GREB1L: variants seen among roughly 807,000 people sequenced by gnomAD.
GREB1L encodes the protein GREB1-like protein.
A neutral mutation model predicts 200.8 loss-of-function variants in GREB1L; 17 were observed. The observed-to-expected ratio is 0.08, with a 90% confidence interval of 0.06 to 0.13. GREB1L has a LOEUF of 0.13. Among genes scored for constraint, GREB1L ranks in the 10% least tolerant of loss-of-function variants. GREB1L has a pLI of 1.00. For missense variants in GREB1L, 1,657 were observed against 2,367.7 expected (o/e 0.70, Z 6.23); for synonymous variants, 789 against 893.0 (o/e 0.88, Z 2.08).
At chr18:21,438,078 C>G (rs191969625) in intron 7 of GREB1L, among the ~76,000 whole-genome samples, 192 of 151,910 alleles carry the variant, frequency 1.3e-3, no homozygotes, top group Admixed American at 2.6e-3. Context: ...CCCAGGAGTC[C>G]AAGACCAGCC....
chr18:21,268,400 G>C (rs931354259), intron 1 of GREB1L, among the ~76,000 whole-genome samples: 2 of 150,402 alleles, frequency 1.3e-5, no homozygotes, highest in Admixed American at 1.3e-4. Flanking sequence ...GGGAATCATA[G>C]TTCTTCTTGC....
At chr18:21,478,124 G>A (rs1216988351) in intron 17 of GREB1L, among the ~76,000 whole-genome samples, 1 of 151,984 alleles carries the variant, frequency 6.6e-6, no homozygotes, top group Non-Finnish European at 1.5e-5. Context: ...TTACTCTCTT[G>A]CTCCTCCAGC....
chr18:21,441,135 A>G (rs1377629190), intron 9 of GREB1L, among the ~76,000 whole-genome samples: 1 of 152,206 alleles, frequency 6.6e-6, no homozygotes, highest in Non-Finnish European at 1.5e-5. Context: ...ACAGGATCCA[A>G]AATATTGCAT....
Position 21,381,931 on chromosome 18 carries a change from G to A in GREB1L, c.-9-1579G>A, listed in dbSNP as rs368136434. 4.6e-5 allele frequency among the ~76,000 whole-genome samples: 7 copies of A among 152,304 alleles called. No homozygotes were observed. The South Asian group carries it at 1.0e-3, about 23-fold the overall frequency. The stretch of plus-strand genomic sequence containing the variant: ...CGAGAGTAAAAGTCAACACATTCAG[G>A]GTGATGGAGCAGAATGACAGGAAGA... On this transcript the variant is annotated intron_variant, in intron 2 of 32. Coordinates refer to ENST00000424526, the MANE Select transcript of GREB1L (RefSeq NM_001142966.3).
intron 4 of GREB1L, among the ~76,000 whole-genome samples, chr18:21,388,651 TCTC>T (rs2040651821): frequency 6.7e-6 from 1 of 149,688 alleles, no homozygotes. Flanking sequence ...TTCACACCAT[TCTC>T]CTGCCTCAGC....
At chr18:21,490,375 C>T (rs1263014618) in intron 19 of GREB1L, 24 bp downstream of exon 19, 48 of 1,526,650 alleles carry the variant, frequency 3.1e-5, no homozygotes, top group Non-Finnish European at 4.0e-5. Flanking sequence ...AGACATTTCT[C>T]CTTTAAAATA....
intron 2 of GREB1L, among the ~76,000 whole-genome samples, chr18:21,382,410 C>T (rs2040355971): frequency 6.6e-6 from 1 of 152,144 alleles, no homozygotes. Flanking sequence ...CTTGGCCCCA[C>T]CTCCACCCCC....
intron 15 of GREB1L, among the ~76,000 whole-genome samples, chr18:21,458,398 G>A (rs2034878146): frequency 6.6e-6 from 1 of 152,186 alleles, no homozygotes; most frequent in African/African-American, 2.4e-5. Flanking sequence ...GGCAGAAGGA[G>A]AAACAGTGTC....
At chr18:21,499,569 C>T (rs1157544723) in intron 21 of GREB1L, among the ~76,000 whole-genome samples, 160 bp from the exon 22 acceptor site, 5 of 152,338 alleles carry the variant, frequency 3.3e-5, no homozygotes, top group East Asian at 3.9e-4. Flanking sequence ...GGAAGCAACA[C>T]GGAGCAATGT....
Position 21,251,243 on chromosome 18 carries a change from A to G in GREB1L, c.-120+8850A>G, listed in dbSNP as rs148316668. On this transcript the variant is annotated intron_variant, in intron 1 of 32. Coordinates refer to ENST00000424526, the MANE Select transcript of GREB1L (RefSeq NM_001142966.3). Reference sequence around the variant, plus strand: ...CCCTTTCCCCTTTCTTTTCACTCCAACAATGTCACTCATCTATTTATGTTG... The same window carrying G: ...CCCTTTCCCCTTTCTTTTCACTCCAGCAATGTCACTCATCTATTTATGTTG... Among the ~76,000 whole-genome samples, 41 of 152,232 alleles carry G rather than the reference A, an allele frequency of 2.7e-4. No homozygotes were observed. In the East Asian group the frequency reaches 6.0e-3, roughly 22 times the overall value.
At chr18:21,376,863 C>G (rs2040099021) in intron 2 of GREB1L, among the ~76,000 whole-genome samples, 1 of 147,836 alleles carries the variant, frequency 6.8e-6, no homozygotes, top group Non-Finnish European at 1.5e-5. Flanking sequence ...CCAGTATATA[C>G]TTATGTATTG....
intron 32 of GREB1L, 126 bp from the exon 33 acceptor site, chr18:21,522,532 T>A: frequency 2.8e-6 from 2 of 707,610 alleles, no homozygotes; most frequent in Non-Finnish European, 4.4e-6. Context: ...ATAAAACAAT[T>A]CTGATAGATT....
chr18:21,455,815 A>G (rs919060831), intron 15 of GREB1L, among the ~76,000 whole-genome samples: 6 of 151,636 alleles, frequency 4.0e-5, no homozygotes, highest in African/African-American at 1.5e-4. Flanking sequence ...ATTTTATCCT[A>G]CATAAAGATC....
chr18:21,441,621 A>C, intron 10 of GREB1L, 84 bp downstream of exon 10: 1 of 1,234,576 alleles, frequency 8.1e-7, no homozygotes, highest in Non-Finnish European at 1.1e-6. Flanking sequence ...TCATGTATTC[A>C]TGAAGATATT....
At chr18:21,493,273 T>A (rs1288810845) in intron 19 of GREB1L, among the ~76,000 whole-genome samples, 1 of 152,258 alleles carries the variant, frequency 6.6e-6, no homozygotes, top group Non-Finnish European at 1.5e-5. Flanking sequence ...TAACTTATAC[T>A]GATGATGACC....
chr18:21,295,590 T>C (rs1293887197), intron 1 of GREB1L, among the ~76,000 whole-genome samples: 1 of 152,120 alleles, frequency 6.6e-6, no homozygotes, highest in African/African-American at 2.4e-5. Flanking sequence ...CATGACAGAG[T>C]CATAGTAAGA....
intron 1 of GREB1L, among the ~76,000 whole-genome samples, chr18:21,352,417 G>T (rs531662784): frequency 3.0e-4 from 46 of 151,568 alleles, no homozygotes; most frequent in Non-Finnish European, 6.2e-4. Context: ...AATTAAGTTT[G>T]CAGTGTGCTT....
chr18:21,362,004 CTAGT>C (rs1380281379), intron 1 of GREB1L, among the ~76,000 whole-genome samples: 5 of 151,980 alleles, frequency 3.3e-5, no homozygotes, highest in Non-Finnish European at 7.4e-5. Context: ...ATAAAGTCTC[CTAGT>C]TAAAGATCCA....
intron 1 of GREB1L, among the ~76,000 whole-genome samples, chr18:21,268,880 G>A (rs1173503500): frequency 1.3e-5 from 2 of 151,666 alleles, no homozygotes; most frequent in East Asian, 3.9e-4. Flanking sequence ...CACTGTGCCC[G>A]GCCCTGGTGT....
Sources: gnomAD v4.1 joint callset for allele counts (sites outside exome capture counted in the v4.1 genomes callset) on GRCh38, gnomAD v4.1.1 for gene constraint, MANE v1.5 for transcripts, NCBI Gene and HGNC (gene_info 2026-07-23, HGNC 2026-07-21) for gene names.